Variants in MAP1LC3A observed in about 807,000 individuals in gnomAD.
The protein encoded by MAP1LC3A is microtubule-associated protein 1 light chain 3 alpha.
In MAP1LC3A, 10 loss-of-function variants were observed where a neutral mutation model predicts 15.2. The observed-to-expected ratio is 0.66, with a 90% CI of 0.41 to 1.12. MAP1LC3A has a LOEUF of 1.12. Among genes scored for constraint, MAP1LC3A ranks in the 50% most tolerant of loss-of-function variants. MAP1LC3A has a pLI of 0.00. For missense variants in MAP1LC3A, 138 were observed against 167.3 expected (o/e 0.82, Z 0.97); for synonymous variants, 63 against 64.3 (o/e 0.98, Z 0.10).
chr20:34,550,073 T>C, intron 2 of MAP1LC3A: 7 of 1,590,548 alleles, frequency 4.4e-6, no homozygotes, highest in Non-Finnish European at 6.0e-6. Flanking sequence ...GCTCAGGGCC[T>C]ATGGTCTGTC....
chr20:34,551,091 C>CA lies in MAP1LC3A; in HGVS notation c.52+1073dup, dbSNP rs1470172190. On this transcript the variant is annotated intron_variant, in intron 2 of 4. Coordinates refer to the MAP1LC3A transcript ENST00000374837. ...TGAAACCCTGTCTCTACTAAAAATA[C>CA]AAAAAAAAAAATTAGCCAGGCCTGG... is the stretch of plus-strand genomic sequence containing the variant. 6.3e-3 allele frequency among the ~76,000 whole-genome samples: 912 copies of CA among 145,426 alleles called. 5 individuals are homozygous for CA. Among genetic ancestry groups the CA allele is most frequent in the African/African-American group, 0.015 (604 of 39,804 alleles).
rs1420357475 is a variant in MAP1LC3A at position 34,560,076 on chromosome 20, G to A, written c.*178G>A. 2 of 523,814 alleles carry A rather than the reference G, an allele frequency of 3.8e-6. No homozygotes were observed. Among genetic ancestry groups the A allele is most frequent in the Non-Finnish European group, 6.6e-6 (2 of 303,624 alleles). 32.4% of individuals were successfully genotyped at this position (523,814 alleles called of 1,614,324 possible). On this transcript the variant is annotated 3_prime_UTR_variant, in exon 4 of 4. Coordinates refer to ENST00000360668, the MANE Select transcript of MAP1LC3A (RefSeq NM_032514.4). ...CCCCTGGGTGGATCCTGGGCCGGTC[G>A]TGTTAGGGTTGTCCCTCTGGGTGCT...
At chr20:34,558,383 G>T, upstream of MAP1LC3A, 1 of 988,510 alleles carries the variant, frequency 1.0e-6, no homozygotes, top group Non-Finnish European at 1.2e-6. This position sits in a 1 kb window ranked among gnomAD's most constrained non-coding sequence, Gnocchi z 4.3. Flanking sequence ...TGTTTCCCAC[G>T]GCGCCCAGAA....
chr20:34,551,467 CTTTTTTTTTT>C (rs58191574), intron 2 of MAP1LC3A, among the ~76,000 whole-genome samples: 4 of 104,812 alleles, frequency 3.8e-5, no homozygotes, highest in Non-Finnish European at 5.6e-5. Context: ...GAACGCTGTC[CTTTTTTTTTT>C]TTTTTTTTTT....
Position 34,558,835 on chromosome 20 carries a change from A to C in MAP1LC3A, c.-34A>C, listed in dbSNP as rs1982274218. On this transcript the variant is annotated 5_prime_UTR_variant, in exon 1 of 4. Coordinates refer to ENST00000360668, the MANE Select transcript of MAP1LC3A (RefSeq NM_032514.4). This position sits in a 1 kb window ranked among gnomAD's most constrained non-coding sequence, Gnocchi z 4.3. ...CCGCAGACACATCCCCGCGCCCCAG[A>C]GCCCCGGCCTGCGCGCCCAGCCGGG... 3 of 1,428,256 alleles carry C rather than the reference A, an allele frequency of 2.1e-6. No homozygotes were observed. The East Asian group carries it at 9.2e-5, about 44-fold the overall frequency. The allele number at this position is 1,428,256 out of a possible 1,614,324, so 88.5% of individuals were successfully genotyped here.
At chr20:34,547,603 T>C (rs1432760077) in intron 1 of MAP1LC3A, among the ~76,000 whole-genome samples, 1 of 151,826 alleles carries the variant, frequency 6.6e-6, no homozygotes, top group East Asian at 1.9e-4. Flanking sequence ...CCCGTGATAG[T>C]TCTCACAAGA....
At chr20:34,559,292 G>GCCCCCCC in intron 2 of MAP1LC3A, 29 bp downstream of exon 2, 1 of 706,930 alleles carries the variant, frequency 1.4e-6, no homozygotes, top group Non-Finnish European at 2.0e-6. Flanking sequence ...GCCCTGCCCC[G>GCCCCCCC]CCCCCGCCTC....
At chr20:34,552,441 C>A (rs553498358) in intron 2 of MAP1LC3A, among the ~76,000 whole-genome samples, 2 of 152,362 alleles carry the variant, frequency 1.3e-5, no homozygotes, top group East Asian at 3.9e-4. Context: ...GACACTTGAA[C>A]CAAAACTCGA....
chr20:34,558,569 C>T (rs1054794879), upstream of MAP1LC3A: 37 of 1,181,142 alleles, frequency 3.1e-5, no homozygotes, highest in African/African-American at 5.1e-4. This position sits in a 1 kb window ranked among gnomAD's most constrained non-coding sequence, Gnocchi z 4.3. Flanking sequence ...CTGTGACGCG[C>T]CCAGAAGCCC....
At position 34,552,524 on chromosome 20, in the gene MAP1LC3A, C is replaced by T. The variant is rs565342748; in HGVS notation, c.52+2495C>T. Among the ~76,000 whole-genome samples, 11 of 152,322 alleles carry T rather than the reference C, an allele frequency of 7.2e-5. No homozygotes were observed. In the East Asian group the frequency reaches 7.7e-4, roughly 11 times the overall value. ...CAAAGGCCCTGGGGCATGAGCCTGA[C>T]AGGGATTCCTAGAGTAGCCAGGAGG... is the stretch of plus-strand genomic sequence containing the variant. On this transcript the variant is annotated intron_variant, in intron 2 of 4. Coordinates refer to the MAP1LC3A transcript ENST00000374837.
At chr20:34,550,191 G>A (rs534299754) in intron 2 of MAP1LC3A, among the ~76,000 whole-genome samples, 35 of 152,334 alleles carry the variant, frequency 2.3e-4, no homozygotes, top group African/African-American at 8.2e-4. Context: ...GTCCAAGTCC[G>A]AAGCCACAGA....
At position 34,560,014 on chromosome 20, in the gene MAP1LC3A, G is replaced by GC. The variant is rs560045345; in HGVS notation, c.*122dup. On this transcript the variant is annotated 3_prime_UTR_variant, in exon 4 of 4. Coordinates refer to ENST00000360668, the MANE Select transcript of MAP1LC3A (RefSeq NM_032514.4). ...ACCGTGGTGGGCTGGGCAGGCATGT[G>GC]CCCCCCTAGTCAGAGGGCACCAACC... The GC allele has an allele frequency of 1.6e-3, 1,887 of 1,147,590 alleles. 8 individuals are homozygous for GC. The highest frequency in any genetic ancestry group is 1.4e-3 in the Non-Finnish European group (1,147 of 824,772). The allele number at this position is 1,147,590 out of a possible 1,614,324, so 71.1% of individuals were successfully genotyped here.
At chr20:34,549,803 G>A (rs1981878429) in intron 1 of MAP1LC3A, 1 of 597,966 alleles carries the variant, frequency 1.7e-6, no homozygotes, top group African/African-American at 1.9e-5. Context: ...CTTAGGGAGA[G>A]GTGATTTCAG....
At chr20:34,554,597 C>G (rs1400606113), upstream of MAP1LC3A, among the ~76,000 whole-genome samples, 2 of 151,866 alleles carry the variant, frequency 1.3e-5, no homozygotes, top group African/African-American at 2.4e-5. Flanking sequence ...TGGTCTCAAT[C>G]TCTTAACCTC....
chr20:34,549,382 G>T (rs1421713791), intron 1 of MAP1LC3A, among the ~76,000 whole-genome samples: 1 of 152,154 alleles, frequency 6.6e-6, no homozygotes, highest in African/African-American at 2.4e-5. Flanking sequence ...TAATGACCCT[G>T]ACTCAGACTT....
upstream of MAP1LC3A, among the ~76,000 whole-genome samples, chr20:34,557,220 C>T (rs1982194163): frequency 6.6e-6 from 1 of 152,180 alleles, no homozygotes; most frequent in Non-Finnish European, 1.5e-5. Flanking sequence ...ACATTTTCTA[C>T]CTCTGGTTTT....
upstream of MAP1LC3A, among the ~76,000 whole-genome samples, chr20:34,555,643 T>C (rs778299888): frequency 3.9e-5 from 6 of 152,180 alleles, no homozygotes; most frequent in South Asian, 2.1e-4. Flanking sequence ...GTAATAAGGC[T>C]ATAAATCTGA....
chr20:34,552,740 G>A (rs1040684250), intron 2 of MAP1LC3A, among the ~76,000 whole-genome samples: 4 of 152,270 alleles, frequency 2.6e-5, no homozygotes, highest in Non-Finnish European at 5.9e-5. Flanking sequence ...GCAAGATGTG[G>A]TCGGGGCTCT....
chr20:34,553,396 C>T (rs773494597), intron 2 of MAP1LC3A, among the ~76,000 whole-genome samples: 9 of 152,016 alleles, frequency 5.9e-5, no homozygotes, highest in Admixed American at 1.3e-4. Flanking sequence ...GACTGAAGGG[C>T]GAGTCAGCCC....
Sources: gnomAD v4.1 joint callset for allele counts (sites outside exome capture counted in the v4.1 genomes callset) on GRCh38, gnomAD v4.1.1 for gene constraint, Gnocchi (gnomAD v3.1) non-coding constraint, MANE v1.5 for transcripts, NCBI Gene and HGNC (gene_info 2026-07-23, HGNC 2026-07-21) for gene names.